Variants in LTBP1 observed in about 807,000 individuals in gnomAD.
The protein encoded by LTBP1 is latent-transforming growth factor beta-binding protein 1.
In LTBP1, 129 loss-of-function variants were observed where a neutral mutation model predicts 207.6. The observed-to-expected ratio is 0.62, with a 90% confidence interval of 0.54 to 0.72. LTBP1 has a LOEUF of 0.72. Ranked by LOEUF, LTBP1 falls within the 30% of genes least tolerant of loss-of-function variation. The pLI, the probability that LTBP1 is intolerant of heterozygous loss-of-function variation, is 0.00. For missense variants in LTBP1, 2,281 were observed against 2,217.2 expected, an observed-to-expected ratio of 1.03 and a Z score of -0.58; for synonymous variants, 963 against 833.7, an observed-to-expected ratio of 1.16 and a Z score of -2.67.
intron 3 of LTBP1, among the ~76,000 whole-genome samples, chr2:33,108,648 G>GC (rs1256844010): frequency 6.6e-6 from 1 of 152,070 alleles, no homozygotes; most frequent in Non-Finnish European, 1.5e-5. Flanking sequence ...GTAGCCCAAG[G>GC]TCTCCTGGAA....
rs185813813 is a variant in LTBP1, at chr2:33,251,384, C to T, written c.2000-1293C>T. ...AAAAGAGATGCTAGAGGAGGCTGGG[C>T]GCACGGTGGCTCACGCCTGTAATCC... On this transcript the variant is annotated intron_variant, in intron 10 of 33. Transcript: ENST00000404816. 1.2e-3 allele frequency among the ~76,000 whole-genome samples: 186 copies of T among 152,198 alleles called. 2 individuals are homozygous for T. The highest frequency in any genetic ancestry group is 4.0e-3 in the African/African-American group (166 of 41,528).
At chr2:33,255,740 T>C (rs1056106509) in intron 11 of LTBP1, among the ~76,000 whole-genome samples, 3 of 152,160 alleles carry the variant, frequency 2.0e-5, no homozygotes, top group Non-Finnish European at 4.4e-5. Flanking sequence ...AGAAAAACAG[T>C]ATTTTAGCAT....
At chr2:33,114,062 G>A (rs141962037) in intron 4 of LTBP1, among the ~76,000 whole-genome samples, 9,148 of 152,180 alleles carry the variant, frequency 0.06, 368 homozygotes, top group Non-Finnish European at 0.078. Context: ...GGCTAGTCTC[G>A]AACTCCTGAC....
intron 4 of LTBP1, among the ~76,000 whole-genome samples, chr2:33,115,033 TATATAC>T (rs2080648458): frequency 2.0e-5 from 2 of 98,700 alleles, no homozygotes. Context: ...AACAAACAGA[TATATAC>T]ACACACACAC....
intron 3 of LTBP1, among the ~76,000 whole-genome samples, chr2:33,027,592 T>A (rs1433406798): frequency 6.6e-6 from 1 of 152,088 alleles, no homozygotes; most frequent in African/African-American, 2.4e-5. Context: ...ATCCCAGCAC[T>A]TTTGGAGGCC....
chr2:33,386,985 C>T (rs2095271443), intron 31 of LTBP1, among the ~76,000 whole-genome samples: 1 of 152,108 alleles, frequency 6.6e-6, no homozygotes, highest in Non-Finnish European at 1.5e-5. Context: ...TACGTGCCAC[C>T]ATGCCCAGCT....
intron 24 of LTBP1, 43 bp downstream of exon 24, chr2:33,315,312 A>G: frequency 6.2e-7 from 1 of 1,606,388 alleles, no homozygotes; most frequent in Non-Finnish European, 8.5e-7. Flanking sequence ...GTGATAAAAG[A>G]GAGAGGAGAT....
At chr2:33,291,295 C>T (rs1472714263) in intron 19 of LTBP1, among the ~76,000 whole-genome samples, 5 of 152,150 alleles carry the variant, frequency 3.3e-5, no homozygotes, top group Non-Finnish European at 7.3e-5. Flanking sequence ...AAAGTATGGT[C>T]TTAGAAATTG....
At chr2:33,282,363 C>G (rs1189229981) in intron 19 of LTBP1, among the ~76,000 whole-genome samples, 3 of 152,148 alleles carry the variant, frequency 2.0e-5, no homozygotes, top group Non-Finnish European at 4.4e-5. Context: ...AATTGCAGTT[C>G]CATCCATTGT....
At chr2:33,154,115 C>G (rs2083760518) in intron 5 of LTBP1, among the ~76,000 whole-genome samples, 1 of 152,198 alleles carries the variant, frequency 6.6e-6, no homozygotes, top group East Asian at 1.9e-4. Flanking sequence ...CTTTATTAAA[C>G]TGTATTAAAT....
intron 3 of LTBP1, among the ~76,000 whole-genome samples, chr2:33,044,199 T>G (rs906535095): frequency 3.3e-5 from 5 of 152,002 alleles, no homozygotes; most frequent in African/African-American, 9.7e-5. Flanking sequence ...CATGCCATGG[T>G]GGTTTGCTGC....
chr2:33,154,840 A>G (rs1265739712), intron 5 of LTBP1, among the ~76,000 whole-genome samples: 2 of 152,126 alleles, frequency 1.3e-5, no homozygotes. Flanking sequence ...AGGTGGGAGG[A>G]TAGCTTGACG....
intron 2 of LTBP1, among the ~76,000 whole-genome samples, chr2:32,953,664 C>T (rs778916452): frequency 1.1e-4 from 16 of 152,260 alleles, no homozygotes; most frequent in Middle Eastern, 3.4e-3. Context: ...GGATGCCGCC[C>T]GCCCCCTGCC....
intron 3 of LTBP1, among the ~76,000 whole-genome samples, chr2:33,075,184 G>A (rs183472766): frequency 6.6e-6 from 1 of 152,334 alleles, no homozygotes; most frequent in Admixed American, 6.5e-5. Flanking sequence ...TTAGACACCT[G>A]TAATTCTAGC....
chr2:33,340,444 C>T (rs564674835), intron 24 of LTBP1, among the ~76,000 whole-genome samples: 3 of 152,116 alleles, frequency 2.0e-5, no homozygotes, highest in South Asian at 4.1e-4. Flanking sequence ...CACTTTCAGG[C>T]TGCCAAAGGG....
At chr2:33,171,771 C>T (rs1199823970) in intron 5 of LTBP1, among the ~76,000 whole-genome samples, 1 of 152,098 alleles carries the variant, frequency 6.6e-6, no homozygotes, top group Non-Finnish European at 1.5e-5. Context: ...GGTCGGGTTA[C>T]CCACAAAGGG....
chr2:33,035,063 T>C (rs2075856281), intron 3 of LTBP1, among the ~76,000 whole-genome samples: 1 of 152,214 alleles, frequency 6.6e-6, no homozygotes, highest in Non-Finnish European at 1.5e-5. Context: ...ATTGCCTTTC[T>C]TTGGATGCCG....
Position 32,973,996 on chromosome 2 carries a change from A to G in LTBP1, c.565+25051A>G, listed in dbSNP as rs182670455. Among the ~76,000 whole-genome samples, 406 of 152,222 alleles carry G rather than the reference A, an allele frequency of 2.7e-3. 2 individuals carry two copies. Among genetic ancestry groups the G allele is most frequent in the African/African-American group, 8.8e-3 (365 of 41,524 alleles). The stretch of plus-strand genomic sequence containing the variant: ...CGTACCACATTTTCTTTATCCATTC[A>G]TCTGTTGATGGACACTTATGTTGCT... On this transcript the variant is annotated intron_variant, in intron 2 of 33. Coordinates refer to ENST00000404816, the MANE Select transcript of LTBP1 (RefSeq NM_206943.4).
rs777743949 is a variant in LTBP1, at chr2:33,021,076, C to A, written c.733C>A (p.Pro245Thr). 2.5e-6 allele frequency: 4 copies of A among 1,614,012 alleles called. No homozygotes were observed. Among genetic ancestry groups the A allele is most frequent in the African/African-American group, 1.3e-5 (1 of 74,914 alleles). Residue 245 changes from proline to threonine, a missense_variant, in exon 3 of 34, where the codon CCT becomes ACT. Coordinates refer to ENST00000404816, the MANE Select transcript of LTBP1 (RefSeq NM_206943.4). The stretch of plus-strand genomic sequence containing the variant: ...TGGGGCTGCTTCCTCGTGGGGCCCT[C>A]CTGAGCAAGCAGCAAAGCATACTTC... ...SPGAASSWGP[P>T]EQAAKHTSSK...
Sources: gnomAD v4.1 joint callset for allele counts (sites outside exome capture counted in the v4.1 genomes callset) on GRCh38, gnomAD v4.1.1 for gene constraint, MANE v1.5 for transcripts, NCBI Gene and HGNC (gene_info 2026-07-23, HGNC 2026-07-21) for gene names.